The following ARPC1B variants were observed in gnomAD, a reference collection of about 807,000 sequenced individuals.
ARPC1B encodes the protein actin-related protein 2/3 complex subunit 1B.
Under a neutral mutation model 46.0 loss-of-function variants are expected in ARPC1B, and 29 were observed. The ratio of observed to expected loss-of-function variants is 0.63; its 90% CI spans 0.47 to 0.86. ARPC1B has a LOEUF of 0.86. ARPC1B is among the 40% of genes least tolerant of loss of function. The probability of loss-of-function intolerance (pLI) is 0.00; values close to 1 mark genes in which losing one functional copy is unlikely to be tolerated. For missense variants in ARPC1B, 469 were observed against 529.4 expected (o/e 0.89, Z 1.12); for synonymous variants, 201 against 213.9 (o/e 0.94, Z 0.53).
In ARPC1B at chr7:99,390,873, T is replaced by A; in HGVS notation, c.501-20T>A. ...CCACCATGCCTGGCTACTTTACCTCTACTTTGCCTATCCCGGTAGGATCTT... is the reference window on the plus strand; with the variant it reads ...CCACCATGCCTGGCTACTTTACCTCAACTTTGCCTATCCCGGTAGGATCTT... On this transcript the variant is annotated intron_variant, in intron 5 of 9. Coordinates refer to ENST00000646101, the MANE Select transcript of ARPC1B (RefSeq NM_005720.4). The A allele has an allele frequency of 3.2e-6, 5 of 1,582,104 alleles. No homozygotes were observed. The highest frequency in any genetic ancestry group is 3.4e-5 in the Admixed American group (2 of 58,760).
At chr7:99,382,307 A>G (rs1794254174) in intron 1 of ARPC1B, among the ~76,000 whole-genome samples, 1 of 150,570 alleles carries the variant, frequency 6.6e-6, no homozygotes. Flanking sequence ...GGTGGTGCGC[A>G]CCTGTAATCC....
At position 99,388,055 on chromosome 7, in the gene ARPC1B, C is replaced by T. The variant is rs370974435; in HGVS notation, c.186C>T (p.Pro62=). The T allele has an allele frequency of 6.9e-6, 11 of 1,605,132 alleles. No homozygotes were observed. The highest frequency in any genetic ancestry group is 2.7e-5 in the African/African-American group (2 of 74,776). Residue 62 remains proline (P), a synonymous_variant, in exon 4 of 10, where the codon CCC becomes CCT. Coordinates refer to ENST00000646101, the MANE Select transcript of ARPC1B (RefSeq NM_005720.4). The part of the protein sequence containing the change: ...NGQVTGIDWA[P]ESNRIVTCGT... Reference sequence around the variant, plus strand: ...CCCCCACAGGCATCGACTGGGCCCCCGAGAGTAACCGTATTGTGACCTGCG... The same window carrying T: ...CCCCCACAGGCATCGACTGGGCCCCTGAGAGTAACCGTATTGTGACCTGCG...
At chr7:99,390,397 C>G (rs1437099238) in intron 5 of ARPC1B, among the ~76,000 whole-genome samples, 1 of 150,252 alleles carries the variant, frequency 6.7e-6, no homozygotes, top group African/African-American at 2.5e-5. Flanking sequence ...GAGACGGACT[C>G]TCGCTCTTTC....
chr7:99,387,982 A>T, intron 3 of ARPC1B, 57 bp from the exon 4 acceptor site: 1 of 1,213,042 alleles, frequency 8.2e-7, no homozygotes, highest in Non-Finnish European at 1.2e-6. Context: ...TGGCCACCAT[A>T]CAGCCACCTC....
chr7:99,391,150 A>T, intron 6 of ARPC1B, 28 bp from the exon 7 acceptor site: 1 of 1,613,578 alleles, frequency 6.2e-7, no homozygotes, highest in Non-Finnish European at 8.5e-7. Flanking sequence ...GGAGTGGGAC[A>T]CCGTGACTCA....
chr7:99,393,203 T>C (rs1794636265), intron 8 of ARPC1B, among the ~76,000 whole-genome samples: 1 of 151,930 alleles, frequency 6.6e-6, no homozygotes, highest in South Asian at 2.1e-4. Flanking sequence ...AATAACATCG[T>C]TAGTTGTGGG....
At chr7:99,385,590 T>C (rs899837928) in intron 1 of ARPC1B, 112 bp from the exon 2 acceptor site, 16 of 915,716 alleles carry the variant, frequency 1.7e-5, no homozygotes, top group Admixed American at 6.5e-5. Flanking sequence ...CCCTCTAAAC[T>C]GAGGGGCCTC....
intron 3 of ARPC1B, among the ~76,000 whole-genome samples, chr7:99,387,554 A>G (rs1320554203): frequency 6.6e-6 from 1 of 152,170 alleles, no homozygotes; most frequent in Non-Finnish European, 1.5e-5. Context: ...CCTGGTCAAC[A>G]TGGTGAAACC....
chr7:99,391,351 C>T, intron 7 of ARPC1B, 98 bp downstream of exon 7: 1 of 1,269,696 alleles, frequency 7.9e-7, no homozygotes, highest in Non-Finnish European at 1.1e-6. Context: ...CTGCCTCCCT[C>T]CTTTTTTTCT....
intron 4 of ARPC1B, 49 bp downstream of exon 4, chr7:99,388,310 G>A (rs1229890190): frequency 6.4e-7 from 1 of 1,574,602 alleles, no homozygotes; most frequent in Admixed American, 1.7e-5. Flanking sequence ...CCGGGGGCAG[G>A]ACTAGAGTGT....
intron 7 of ARPC1B, among the ~76,000 whole-genome samples, 170 bp downstream of exon 7, chr7:99,391,423 A>G (rs1339296806): frequency 6.6e-6 from 1 of 152,126 alleles, no homozygotes; most frequent in Non-Finnish European, 1.5e-5. Flanking sequence ...TGCAGTAACC[A>G]AAAGTCCCTG....
intron 4 of ARPC1B, 130 bp from the exon 5 acceptor site, chr7:99,389,775 C>A (rs1794508404): frequency 1.3e-6 from 1 of 788,284 alleles, no homozygotes; most frequent in Admixed American, 2.1e-5. Flanking sequence ...GCTGGCAATG[C>A]CCAGTCGCCT....
At chr7:99,379,928 A>G (rs1794161475) in intron 1 of ARPC1B, among the ~76,000 whole-genome samples, 1 of 151,938 alleles carries the variant, frequency 6.6e-6, no homozygotes, top group South Asian at 2.1e-4. Context: ...TACAGGCGTG[A>G]GCCACTGTGC....
At chr7:99,380,878 T>G (rs1338961032) in intron 1 of ARPC1B, among the ~76,000 whole-genome samples, 2 of 151,950 alleles carry the variant, frequency 1.3e-5, no homozygotes, top group Non-Finnish European at 2.9e-5. Flanking sequence ...TCAGCTGGAG[T>G]CCTGGGGCCA....
chr7:99,390,400 G>A (rs1231218303), intron 5 of ARPC1B, among the ~76,000 whole-genome samples: 3 of 147,796 alleles, frequency 2.0e-5, no homozygotes, highest in Non-Finnish European at 3.0e-5. Flanking sequence ...ACGGACTCTC[G>A]CTCTTTCGCC....
At chr7:99,375,790 C>T (rs570371850) in intron 1 of ARPC1B, among the ~76,000 whole-genome samples, 1 of 152,308 alleles carries the variant, frequency 6.6e-6, no homozygotes, top group South Asian at 2.1e-4. Flanking sequence ...TAGCCAGGCG[C>T]TGTGGCTCAT....
chr7:99,378,774 CT>C lies in ARPC1B; in HGVS notation c.-14+4013del, dbSNP rs761084621. Among the ~76,000 whole-genome samples the C allele has an allele frequency of 1.0e-3, 108 of 106,536 alleles. 1 individual carries two copies. In the East Asian group the frequency reaches 0.015, roughly 15 times the overall value. The allele number at this position is 106,536 out of a possible 152,430, so 69.9% of individuals were successfully genotyped here. A position where few individuals can be genotyped will look rare whatever the true frequency, so the allele number is the denominator to read the frequency against. On this transcript the variant is annotated intron_variant, in intron 1 of 9. Transcript: ENST00000646101. ...ACCAAAGAATGTTAATTTTCTTTTTCTTTTTTTTTTTTTTTTTTTTGAGATG... is the reference window on the plus strand; with the variant it reads ...ACCAAAGAATGTTAATTTTCTTTTTCTTTTTTTTTTTTTTTTTTTGAGATG...
intron 5 of ARPC1B, 143 bp downstream of exon 5, chr7:99,390,155 T>C (rs1305855702): frequency 7.7e-5 from 54 of 697,284 alleles, no homozygotes; most frequent in Non-Finnish European, 1.2e-4. Context: ...TGGGCGTCGG[T>C]TGAAGGTTCT....
intron 1 of ARPC1B, among the ~76,000 whole-genome samples, chr7:99,381,366 G>A (rs887211548): frequency 1.3e-5 from 2 of 152,204 alleles, no homozygotes; most frequent in African/African-American, 2.4e-5. Context: ...GTATGGTCAT[G>A]TGTGCAAGGC....
Sources: gnomAD v4.1 joint callset for allele counts (sites outside exome capture counted in the v4.1 genomes callset) on GRCh38, gnomAD v4.1.1 for gene constraint, MANE v1.5 for transcripts, NCBI Gene and HGNC (gene_info 2026-07-23, HGNC 2026-07-21) for gene names.